USP49: variants seen among roughly 807,000 people sequenced by gnomAD.
USP49 encodes the protein ubiquitin specific peptidase 49.
Under a neutral mutation model 58.6 loss-of-function variants are expected in USP49, and 24 were observed. The observed-to-expected ratio is 0.41, with a 90% CI of 0.30 to 0.58. The LOEUF is 0.58. Ranked by LOEUF, USP49 falls within the 20% of genes least tolerant of loss-of-function variation. The pLI is 0.30. For synonymous variants in USP49, 408 were observed against 365.1 expected (o/e 1.12, Z -1.34); for missense variants, 703 against 866.1 (o/e 0.81, Z 2.36).
chr6:41,810,768 A>C (rs1323253484), intron 3 of USP49, among the ~76,000 whole-genome samples: 1 of 151,670 alleles, frequency 6.6e-6, no homozygotes, highest in Non-Finnish European at 1.5e-5. Flanking sequence ...GCTGGTCTTG[A>C]ACTCCTGACC....
chr6:41,879,542 A>AC (rs1774566734), intron 2 of USP49, among the ~76,000 whole-genome samples: 1 of 152,012 alleles, frequency 6.6e-6, no homozygotes, highest in African/African-American at 2.4e-5. Flanking sequence ...AAAAAAGGAG[A>AC]ATGGAGTAAA....
At chr6:41,840,708 G>A (rs1287825626) in intron 3 of USP49, among the ~76,000 whole-genome samples, 1 of 152,104 alleles carries the variant, frequency 6.6e-6, no homozygotes, top group Admixed American at 6.6e-5. Flanking sequence ...TAACACTGTG[G>A]ATGGATTTAT....
chr6:41,799,948 T>C lies in USP49; in HGVS notation c.1562-10A>G. On this transcript the variant is annotated splice_polypyrimidine_tract_variant and intron_variant, in intron 5 of 7. Transcript: ENST00000682992. ...GATTTTCGTCGTTTGCCTATGTGGT[T>C]TGGGAAGGTATAAGACATAGGTTGT... The C allele has an allele frequency of 6.2e-7, 1 of 1,613,442 alleles. No homozygotes were observed. The highest frequency in any genetic ancestry group is 8.5e-7 in the Non-Finnish European group (1 of 1,179,392).
intron 5 of USP49, among the ~76,000 whole-genome samples, chr6:41,801,324 C>G (rs1298353968): frequency 6.6e-6 from 1 of 152,150 alleles, no homozygotes; most frequent in African/African-American, 2.4e-5. Context: ...CATCTGATTC[C>G]AAGTCCTGTC....
rs532760194 is a variant in USP49 at position 41,790,661 on chromosome 6, C to G, written c.*5872G>C. 41 of 152,224 alleles carry G rather than the reference C, an allele frequency of 2.7e-4. No individual in the cohort carries two copies. The South Asian group carries it at 8.3e-3, about 31-fold the overall frequency. 9.4% of individuals were successfully genotyped at this position (152,224 alleles called of 1,614,324 possible). A position where few individuals can be genotyped will look rare whatever the true frequency, so the allele number is the denominator to read the frequency against. On this transcript the variant is annotated 3_prime_UTR_variant, in exon 8 of 8. Transcript: ENST00000682992. The stretch of plus-strand genomic sequence containing the variant: ...GATGTCTCTAGCAGTTTGTTCACTA[C>G]TAAAGTTAAACAGGACAAAATAGTC...
rs752353657 is a variant in USP49, at chr6:41,853,999, C to CAAAAAA, written c.-29+17564_-29+17565insTTTTTT. On this transcript the variant is annotated intron_variant, in intron 3 of 7. Coordinates refer to ENST00000682992, the MANE Select transcript of USP49 (RefSeq NM_001286554.2). The stretch of plus-strand genomic sequence containing the variant: ...GGGCAACAACAGCGAGACTCTGTCT[C>CAAAAAA]GAAAAAAAAAAAAAAAAAAAAAAAG... Among the ~76,000 whole-genome samples, 13 of 58,854 alleles carry CAAAAAA rather than the reference C, an allele frequency of 2.2e-4. 3 individuals carry two copies. The highest frequency in any genetic ancestry group is 1.1e-3 in the East Asian group (2 of 1,840). The allele number at this position is 58,854 out of a possible 152,430, so 38.6% of individuals were successfully genotyped here.
chr6:41,871,788 A>T (rs1774416163), intron 2 of USP49, among the ~76,000 whole-genome samples, 151 bp from the exon 3 acceptor site: 1 of 152,260 alleles, frequency 6.6e-6, no homozygotes, highest in African/African-American at 2.4e-5. Context: ...AGAGTAAAAA[A>T]AAAACTGTGA....
intron 3 of USP49, among the ~76,000 whole-genome samples, chr6:41,813,341 TATC>T (rs958390890): frequency 1.3e-5 from 2 of 152,194 alleles, no homozygotes; most frequent in African/African-American, 2.4e-5. Context: ...ACCAAGATCT[TATC>T]ATATGAAATA....
intron 2 of USP49, among the ~76,000 whole-genome samples, chr6:41,881,481 C>T (rs916024250): frequency 6.6e-6 from 1 of 151,282 alleles, no homozygotes; most frequent in African/African-American, 2.4e-5. Context: ...TTTAAAATCA[C>T]ATCTAAAAAT....
At chr6:41,867,967 G>T (rs887361143) in intron 3 of USP49, among the ~76,000 whole-genome samples, 1 of 152,108 alleles carries the variant, frequency 6.6e-6, no homozygotes, top group Non-Finnish European at 1.5e-5. Context: ...CCTTCACACA[G>T]GCAAACAAAA....
rs945580261 is a variant in USP49, at chr6:41,794,493, A to G, written c.*2040T>C. 2.0e-5 allele frequency: 3 copies of G among 152,204 alleles called. No individual in the cohort carries two copies. The South Asian group carries it at 6.2e-4, about 31-fold the overall frequency. 9.4% of individuals were successfully genotyped at this position (152,204 alleles called of 1,614,324 possible). Reference sequence around the variant, plus strand: ...TCTAGAATAATAAATATAGGATTCAATGAAAGATGAGGCACGATTCATAGT... The same window carrying G: ...TCTAGAATAATAAATATAGGATTCAGTGAAAGATGAGGCACGATTCATAGT... On this transcript the variant is annotated 3_prime_UTR_variant, in exon 8 of 8. Transcript: ENST00000682992.
chr6:41,811,407 GTTA>G (rs970310344), intron 3 of USP49, among the ~76,000 whole-genome samples: 7 of 152,176 alleles, frequency 4.6e-5, no homozygotes, highest in African/African-American at 1.7e-4. Flanking sequence ...ATTGTATTAT[GTTA>G]TTATTACTGT....
chr6:41,846,772 C>T (rs1052352823), intron 3 of USP49, among the ~76,000 whole-genome samples: 2 of 151,904 alleles, frequency 1.3e-5, no homozygotes, highest in African/African-American at 4.8e-5. Flanking sequence ...GGAGGAAACC[C>T]CCCCCATACT....
At chr6:41,841,919 T>A (rs1281155535) in intron 3 of USP49, among the ~76,000 whole-genome samples, 1 of 152,000 alleles carries the variant, frequency 6.6e-6, no homozygotes, top group African/African-American at 2.4e-5. Context: ...TAGCCGGGTG[T>A]GGTGGCGCCC....
chr6:41,834,231 C>A (rs1226054225), intron 3 of USP49, among the ~76,000 whole-genome samples: 1 of 152,188 alleles, frequency 6.6e-6, no homozygotes, highest in Non-Finnish European at 1.5e-5. Flanking sequence ...GATACCCATA[C>A]TTTACCTCAC....
In USP49 at chr6:41,857,061, A is replaced by G. The variant is rs370447014; in HGVS notation, c.-29+14503T>C. Among the ~76,000 whole-genome samples, 11 of 152,212 alleles carry G rather than the reference A, an allele frequency of 7.2e-5. No individual in the cohort carries two copies. The East Asian group carries it at 1.5e-3, about 21-fold the overall frequency. On this transcript the variant is annotated intron_variant, in intron 3 of 7. Transcript: ENST00000682992. ...TGGAGTTTCCAGCTACAAATCAAGG[A>G]CCAGTGTGTGCAACTGGTAGGGATC...
chr6:41,816,584 T>C (rs1312800217), intron 3 of USP49, among the ~76,000 whole-genome samples: 1 of 152,146 alleles, frequency 6.6e-6, no homozygotes, highest in Non-Finnish European at 1.5e-5. Flanking sequence ...AATACAGGAT[T>C]ATATATTTTG....
In USP49 at chr6:41,795,294, C is replaced by T. The variant is rs1399623171; in HGVS notation, c.*1239G>A. Reference sequence around the variant, plus strand: ...ACAAGGGTTTTTATCTGGGCAATTTCATTCTGTTTAGAAACTGACCCAATT... The same window carrying T: ...ACAAGGGTTTTTATCTGGGCAATTTTATTCTGTTTAGAAACTGACCCAATT... On this transcript the variant is annotated 3_prime_UTR_variant, in exon 8 of 8. Coordinates refer to ENST00000682992, the MANE Select transcript of USP49 (RefSeq NM_001286554.2). 2 of 152,238 alleles carry T rather than the reference C, an allele frequency of 1.3e-5. No homozygotes were observed. The highest frequency in any genetic ancestry group is 2.1e-4 in the South Asian group (1 of 4,822). The allele number at this position is 152,238 out of a possible 1,614,324, so 9.4% of individuals were successfully genotyped here. A position where few individuals can be genotyped will look rare whatever the true frequency, so the allele number is the denominator to read the frequency against.
chr6:41,855,378 G>A (rs1446978860), intron 3 of USP49, among the ~76,000 whole-genome samples: 2 of 151,634 alleles, frequency 1.3e-5, no homozygotes, highest in African/African-American at 2.4e-5. Flanking sequence ...AGCCAGGAGC[G>A]GTGGTGCACA....
Sources: allele counts gnomAD v4.1 joint callset (sites outside exome capture counted in the v4.1 genomes callset), GRCh38; gene constraint gnomAD v4.1.1; transcripts MANE v1.5; gene names NCBI Gene and HGNC (gene_info 2026-07-23, HGNC 2026-07-21).